ECPAS: variants seen among roughly 807,000 people sequenced by gnomAD.
ECPAS encodes proteasome adapter and scaffold protein ECM29.
A neutral mutation model predicts 255.1 loss-of-function variants in ECPAS; 70 were observed. That is an observed-to-expected ratio of 0.27 (90% CI 0.23 to 0.33). The LOEUF (loss-of-function observed/expected upper bound fraction) is 0.33. ECPAS is among the 10% of genes least tolerant of loss of function. ECPAS has a pLI of 1.00. For synonymous variants in ECPAS, 784 were observed against 775.0 expected (o/e 1.01, Z -0.19); for missense variants, 1,817 against 2,206.4 (o/e 0.82, Z 3.54).
Position 111,386,435 on chromosome 9 carries a change from T to A in ECPAS, c.3469A>T (p.Ile1157Phe), listed in dbSNP as rs2098148689. 1.3e-6 allele frequency: 2 copies of A among 1,594,642 alleles called. No homozygotes were observed. The change falls in exon 32 of 50, where the codon ATT becomes TTT. Residue 1157 changes from isoleucine to phenylalanine, a missense_variant. Coordinates refer to ENST00000684092, the MANE Select transcript of ECPAS (RefSeq NM_001364929.1). ...AGGTTCTTAACCAAATCTTGAAGAATTTCTTTCAAATATTTATCCACCTAA... is the reference window on the plus strand; with the variant it reads ...AGGTTCTTAACCAAATCTTGAAGAAATTCTTTCAAATATTTATCCACCTAA... ...KSMVDKYLKE[I>F]LQDLVKNLTS...
chr9:111,406,457 A>G (rs1165785571), intron 24 of ECPAS, among the ~76,000 whole-genome samples: 1 of 149,912 alleles, frequency 6.7e-6, no homozygotes, highest in East Asian at 2.0e-4. Flanking sequence ...CAGGGCAACA[A>G]TAGTTAATAA....
chr9:111,482,999 G>A (rs1320379566), intron 1 of ECPAS, among the ~76,000 whole-genome samples: 1 of 152,222 alleles, frequency 6.6e-6, no homozygotes, highest in African/African-American at 2.4e-5. Context: ...CGCCCTCCCT[G>A]CTCCATCTGA....
chr9:111,425,567 A>C lies in ECPAS; in HGVS notation c.1137-71T>G. 3.4e-6 allele frequency: 4 copies of C among 1,180,498 alleles called. No individual in the cohort carries two copies. In the South Asian group the frequency reaches 6.2e-5, roughly 18 times the overall value. 73.1% of individuals were successfully genotyped at this position (1,180,498 alleles called of 1,614,324 possible). A position where few individuals can be genotyped will look rare whatever the true frequency, so the allele number is the denominator to read the frequency against. On this transcript the variant is annotated intron_variant, in intron 11 of 49. Coordinates refer to ENST00000684092, the MANE Select transcript of ECPAS (RefSeq NM_001364929.1). ...ACTACATATCTTTACGGATGATTAC[A>C]TAAAATAATGAGAGACATAACCGAA...
chr9:111,447,094 T>C (rs184483313), intron 3 of ECPAS, among the ~76,000 whole-genome samples: 1 of 152,014 alleles, frequency 6.6e-6, no homozygotes, highest in East Asian at 1.9e-4. Context: ...TTGCCCACAA[T>C]TGCATGCTTT....
chr9:111,399,325 CATA>C (rs1217099524), intron 24 of ECPAS, among the ~76,000 whole-genome samples: 2 of 152,206 alleles, frequency 1.3e-5, no homozygotes, highest in African/African-American at 4.8e-5. Context: ...CTGGCTTCAG[CATA>C]ATAACAAGAG....
At chr9:111,430,750 G>A in intron 8 of ECPAS, 122 bp from the exon 9 acceptor site, 1 of 684,590 alleles carries the variant, frequency 1.5e-6, no homozygotes, top group Non-Finnish European at 2.6e-6. Context: ...CAAATGAAAT[G>A]GGCAATTGAC....
intron 24 of ECPAS, among the ~76,000 whole-genome samples, chr9:111,399,695 A>G (rs1564518289): frequency 1.3e-5 from 2 of 152,214 alleles, no homozygotes; most frequent in Non-Finnish European, 1.5e-5. Flanking sequence ...TCTCGCAACC[A>G]GGCACCAGCC....
intron 13 of ECPAS, 71 bp downstream of exon 13, chr9:111,423,128 A>G (rs2098216638): frequency 2.0e-6 from 2 of 1,017,936 alleles, no homozygotes; most frequent in African/African-American, 3.3e-5. Flanking sequence ...ATTCTCCGCC[A>G]TTATTAAATG....
chr9:111,455,774 G>A (rs1427933938), intron 2 of ECPAS, among the ~76,000 whole-genome samples: 1 of 152,168 alleles, frequency 6.6e-6, no homozygotes, highest in Non-Finnish European at 1.5e-5. Context: ...CAGAGGTGCT[G>A]TCACAACTCA....
chr9:111,417,685 G>A (rs1457594006), intron 17 of ECPAS, among the ~76,000 whole-genome samples, 198 bp downstream of exon 17: 1 of 151,780 alleles, frequency 6.6e-6, no homozygotes, highest in African/African-American at 2.4e-5. Context: ...AGTGGAGTTT[G>A]CAGTGAGCCA....
At chr9:111,414,795 A>G in intron 18 of ECPAS, 144 bp from the exon 19 acceptor site, 1 of 684,076 alleles carries the variant, frequency 1.5e-6, no homozygotes, top group African/African-American at 1.8e-5. Context: ...GGCAGAAAAT[A>G]TGCCATAATG....
chr9:111,468,689 C>CGTGT (rs141517725), intron 2 of ECPAS, among the ~76,000 whole-genome samples: 6 of 149,914 alleles, frequency 4.0e-5, no homozygotes, highest in Non-Finnish European at 7.4e-5. Flanking sequence ...CAAGCTCAAA[C>CGTGT]GTGTGTGTGT....
intron 35 of ECPAS, among the ~76,000 whole-genome samples, chr9:111,380,731 T>C (rs2098139559): frequency 6.6e-6 from 1 of 152,240 alleles, no homozygotes. Context: ...AGCTAGATCT[T>C]CTGGATAACC....
Position 111,418,020 on chromosome 9 carries a change from A to T in ECPAS, c.1560-14T>A. ...ACTTCTTCACGTCTTTCAGAAAAAG[A>T]CAAATAAGAATAAAAAATAAATGTC... On this transcript the variant is annotated splice_polypyrimidine_tract_variant and intron_variant, in intron 16 of 49. Coordinates refer to ENST00000684092, the MANE Select transcript of ECPAS (RefSeq NM_001364929.1). 6.4e-7 allele frequency: 1 copy of T among 1,569,010 alleles called. No individual in the cohort carries two copies. Among genetic ancestry groups the T allele is most frequent in the South Asian group, 1.2e-5 (1 of 82,186 alleles).
chr9:111,414,623 G>A lies in ECPAS; in HGVS notation c.1793C>T (p.Ala598Val), dbSNP rs774244794. 1.4e-5 allele frequency: 22 copies of A among 1,613,436 alleles called. No individual in the cohort carries two copies. In the East Asian group the frequency reaches 2.2e-4, roughly 16 times the overall value. ...GGTGGGCACCACCCCCGCACTGTGC[G>A]CAAGGCACATGCGCAAGTACAGAAC... ...EIVLYLRMCL[A>V]HSAGVVPTSQ... Residue 598 changes from alanine (A) to valine (V), a missense_variant, in exon 19 of 50, where the codon GCG becomes GTG. This residue lies in a region of ECPAS where 573 missense variants were observed against 716.2 expected (regional missense o/e 0.80). Coordinates refer to ENST00000684092, the MANE Select transcript of ECPAS (RefSeq NM_001364929.1).
At chr9:111,483,422 C>G (rs2098309888) in intron 1 of ECPAS, 1 of 689,664 alleles carries the variant, frequency 1.4e-6, no homozygotes, top group African/African-American at 2.0e-5. Context: ...CCTGGCGCCC[C>G]AGCCCTCATG....
chr9:111,459,866 T>A (rs1313329291), intron 2 of ECPAS, among the ~76,000 whole-genome samples: 1 of 152,062 alleles, frequency 6.6e-6, no homozygotes, highest in Non-Finnish European at 1.5e-5. Context: ...GCTGGTAAAT[T>A]CTCCTTCATA....
chr9:111,432,626 T>A (rs763589114), intron 8 of ECPAS, among the ~76,000 whole-genome samples: 11 of 152,144 alleles, frequency 7.2e-5, no homozygotes, highest in Non-Finnish European at 1.2e-4. Context: ...AAAATAAATA[T>A]ATAAATAAAA....
intron 1 of ECPAS, among the ~76,000 whole-genome samples, chr9:111,482,842 G>C (rs1159198475): frequency 7.2e-6 from 1 of 138,958 alleles, no homozygotes; most frequent in Non-Finnish European, 1.5e-5. Context: ...GGGCGGCCTG[G>C]GATTCAGGGT....
Sources: gnomAD v4.1 joint callset for allele counts (sites outside exome capture counted in the v4.1 genomes callset) on GRCh38, gnomAD v4.1.1 for gene constraint, gnomAD v4.1.1 regional missense constraint, MANE v1.5 for transcripts, NCBI Gene and HGNC (gene_info 2026-07-23, HGNC 2026-07-21) for gene names.